The following DMD variants were observed in gnomAD, a reference collection of about 807,000 sequenced individuals.
The protein encoded by DMD is dystrophin.
A neutral mutation model predicts 330.1 loss-of-function variants in DMD; 63 were observed. The observed-to-expected ratio is 0.19, with a 90% CI of 0.16 to 0.24. The LOEUF (loss-of-function observed/expected upper bound fraction) is 0.24. Among genes scored for constraint, DMD ranks in the 10% least tolerant of loss-of-function variants. The probability of loss-of-function intolerance (pLI) is 1.00; values close to 1 mark genes in which losing one functional copy is unlikely to be tolerated. For synonymous variants in DMD, 1,223 were observed against 959.8 expected (o/e 1.27, Z -5.07); for missense variants, 3,344 against 2,684.1 (o/e 1.25, Z -5.43).
rs1457581833 is a variant in DMD at position 32,786,544 on chromosome X, A to G, written c.649+22949T>C. 5.7e-4 allele frequency among the ~76,000 whole-genome samples: 64 copies of G among 111,843 alleles called. 1 individual carries two copies. Among genetic ancestry groups the G allele is most frequent in the Non-Finnish European group, 5.6e-5 (3 of 53,117 alleles). On this transcript the variant is annotated intron_variant, in intron 7 of 78. Coordinates refer to ENST00000357033, the MANE Select transcript of DMD (RefSeq NM_004006.3). ...TTAATGATTCTCTCAAGGAAACATC[A>G]TAGTAAAAAGAATTCAGTATCCCTC...
Position 32,758,239 on chromosome X carries a change from A to G in DMD, c.649+51254T>C, listed in dbSNP as rs139214940. Among the ~76,000 whole-genome samples the G allele has an allele frequency of 3.3e-3, 365 of 111,647 alleles. 5 individuals are homozygous for G. The highest frequency in any genetic ancestry group is 0.028 in the Admixed American group (294 of 10,481). On this transcript the variant is annotated intron_variant, in intron 7 of 78. Transcript: ENST00000357033. ...AAAACTCAAACTGACACTCTTGACT[A>G]TTGCTGTCACTTAAACTGAACTCTT...
chrX:31,299,731 G>A (rs1482450273), intron 62 of DMD, among the ~76,000 whole-genome samples: 6 of 93,942 alleles, frequency 6.4e-5, no homozygotes, highest in African/African-American at 2.5e-4. Flanking sequence ...AGCCGAGATC[G>A]CACCACTGCA....
intron 44 of DMD, among the ~76,000 whole-genome samples, chrX:32,173,066 GGTGTGTGT>G (rs3040089): frequency 1.7e-4 from 15 of 89,623 alleles, no homozygotes; most frequent in East Asian, 1.4e-3. Context: ...ACCTGATTTT[GGTGTGTGT>G]GTGTGTGTGT....
At chrX:33,259,202 A>T (rs1263410045) in intron 1 of DMD, among the ~76,000 whole-genome samples, 1 of 110,394 alleles carries the variant, frequency 9.1e-6, no homozygotes, top group Non-Finnish European at 1.9e-5. Context: ...TCACAGCAGG[A>T]CTAAGTGGAA....
chrX:32,748,419 G>GT (rs2070364310), intron 7 of DMD, among the ~76,000 whole-genome samples: 1 of 110,470 alleles, frequency 9.1e-6, no homozygotes, highest in Non-Finnish European at 1.9e-5. Flanking sequence ...ATTTAATCCT[G>GT]TTATACAGAT....
At chrX:32,400,812 C>T (rs774049225) in intron 30 of DMD, among the ~76,000 whole-genome samples, 1 of 107,049 alleles carries the variant, frequency 9.3e-6, no homozygotes, top group Non-Finnish European at 1.9e-5. Context: ...ACCATTTGAC[C>T]CAGCCATCCC....
At chrX:32,594,278 A>G (rs776510725) in intron 13 of DMD, among the ~76,000 whole-genome samples, 2 of 111,591 alleles carry the variant, frequency 1.8e-5, no homozygotes, top group Non-Finnish European at 3.8e-5. Context: ...TCTTTACCAA[A>G]GACAGCTGGC....
chrX:32,299,188 C>T (rs6527180), intron 42 of DMD, among the ~76,000 whole-genome samples: 26,285 of 109,542 alleles, frequency 0.24, 2,736 homozygotes, highest in East Asian at 0.45. Flanking sequence ...GTTTATAAAT[C>T]GGTCCAGCTA....
At chrX:32,634,766 A>AGGAG (rs1316494341) in intron 11 of DMD, among the ~76,000 whole-genome samples, 1 of 111,755 alleles carries the variant, frequency 8.9e-6, no homozygotes, top group Non-Finnish European at 1.9e-5. Context: ...AGCGGAAGGA[A>AGGAG]GGAGTCTTTC....
At chrX:32,295,252 A>G (rs1180353445) in intron 42 of DMD, among the ~76,000 whole-genome samples, 2 of 111,999 alleles carry the variant, frequency 1.8e-5, no homozygotes, top group African/African-American at 3.2e-5. Flanking sequence ...CGAGTCCTTA[A>G]TATTTTAAAA....
intron 1 of DMD, among the ~76,000 whole-genome samples, chrX:33,261,012 T>C (rs988318548): frequency 1.8e-5 from 2 of 111,479 alleles, no homozygotes; most frequent in Non-Finnish European, 3.8e-5. Flanking sequence ...GACAGTAATA[T>C]AGATACATAA....
chrX:31,524,300 G>A (rs186522018), intron 55 of DMD, among the ~76,000 whole-genome samples: 2 of 112,092 alleles, frequency 1.8e-5, no homozygotes, highest in East Asian at 2.8e-4. Flanking sequence ...AGAAAATTCT[G>A]TCTGATGGTA....
At chrX:31,570,851 T>A (rs1372581222) in intron 55 of DMD, among the ~76,000 whole-genome samples, 1 of 111,841 alleles carries the variant, frequency 8.9e-6, no homozygotes, top group Non-Finnish European at 1.9e-5. Context: ...AATCACTGGG[T>A]ATCCTACAGG....
At chrX:31,950,512 T>C (rs933507406) in intron 45 of DMD, among the ~76,000 whole-genome samples, 1 of 110,879 alleles carries the variant, frequency 9.0e-6, no homozygotes, top group African/African-American at 3.3e-5. Flanking sequence ...AGCTGGTTGA[T>C]AGTGTTGGTG....
At chrX:32,763,109 T>G (rs2072531320) in intron 7 of DMD, among the ~76,000 whole-genome samples, 1 of 111,981 alleles carries the variant, frequency 8.9e-6, no homozygotes, top group Non-Finnish European at 1.9e-5. Context: ...ACAGCTTTTT[T>G]CAATTAAAAC....
chrX:32,405,169 T>C (rs976965823), intron 30 of DMD, among the ~76,000 whole-genome samples: 2 of 111,786 alleles, frequency 1.8e-5, no homozygotes, highest in Non-Finnish European at 3.8e-5. Context: ...TTAGAATGAA[T>C]AAAAAAGTTT....
chrX:31,827,854 A>C (rs2405149), intron 49 of DMD, among the ~76,000 whole-genome samples: 33,394 of 110,640 alleles, frequency 0.3, 3,642 homozygotes, highest in East Asian at 0.48. Flanking sequence ...GGAAATTAAA[A>C]TATTTTTTGA....
chrX:32,623,352 A>C (rs1035782739), intron 11 of DMD, among the ~76,000 whole-genome samples: 1 of 111,321 alleles, frequency 9.0e-6, no homozygotes, highest in Non-Finnish European at 1.9e-5. Context: ...AACAGCCTTC[A>C]TGACACAAAT....
At chrX:32,284,948 G>A (rs956049108) in intron 43 of DMD, among the ~76,000 whole-genome samples, 1 of 111,612 alleles carries the variant, frequency 9.0e-6, no homozygotes, top group African/African-American at 3.3e-5. Context: ...CAGAGTTGGG[G>A]TGAGATTTCA....
Sources: allele counts gnomAD v4.1 joint callset (sites outside exome capture counted in the v4.1 genomes callset), GRCh38; gene constraint gnomAD v4.1.1; transcripts MANE v1.5; gene names NCBI Gene and HGNC (gene_info 2026-07-23, HGNC 2026-07-21).